Variants in DNAH2 observed in about 807,000 individuals in gnomAD.
DNAH2 encodes the protein dynein axonemal heavy chain 2.
DNAH2 carries 323 observed loss-of-function variants against 523.5 expected under a neutral mutation model. That is an observed-to-expected ratio of 0.62 (90% CI 0.56 to 0.68). The LOEUF is 0.68. Ranked by LOEUF, DNAH2 falls within the 30% of genes least tolerant of loss-of-function variation. The pLI, the probability that DNAH2 is intolerant of heterozygous loss-of-function variation, is 0.00. For missense variants in DNAH2, 4,907 were observed against 5,701.5 expected (o/e 0.86, Z 4.49); for synonymous variants, 2,093 against 2,177.4 (o/e 0.96, Z 1.08).
Position 7,797,687 on chromosome 17 carries a change from C to T in DNAH2, c.8088C>T (p.Phe2696=), listed in dbSNP as rs1404923311. 1.2e-6 allele frequency: 2 copies of T among 1,614,082 alleles called. No homozygotes were observed. The highest frequency in any genetic ancestry group is 1.1e-5 in the South Asian group (1 of 91,074). ...PSKRPPIFGD[F]LKEPKVYEDL... ...CCTCTTCCCATGGCTCAGGGGATTT[C>T]CTGAAGGAGCCCAAGGTGTATGAAG... The change falls in exon 53 of 86, where the codon TTC becomes TTT. Residue 2696 remains phenylalanine, a synonymous_variant. Coordinates refer to ENST00000572933, the MANE Select transcript of DNAH2 (RefSeq NM_020877.5).
At chr17:7,740,732 A>C (rs577720622) in intron 10 of DNAH2, 78 bp from the exon 11 acceptor site, 2 of 1,553,592 alleles carry the variant, frequency 1.3e-6, no homozygotes, top group Non-Finnish European at 1.7e-6. Context: ...AGCGGGGTGC[A>C]GCTTTCCTCT....
At position 7,744,521 on chromosome 17, in the gene DNAH2, A is replaced by C. The variant is rs539521168; in HGVS notation, c.1904+1379A>C. ...AGCGGAGTGTCAGGTGAGAGGGGTG[A>C]GGCAGAGGCATCAGTGAGGAGGACA... is the stretch of plus-strand genomic sequence containing the variant. On this transcript the variant is annotated intron_variant, in intron 12 of 85. Transcript: ENST00000572933. 4.5e-4 allele frequency among the ~76,000 whole-genome samples: 68 copies of C among 152,166 alleles called. 1 individual carries two copies. Among genetic ancestry groups the C allele is most frequent in the Non-Finnish European group, 2.9e-4 (20 of 67,988 alleles).
chr17:7,818,613 G>A (rs10153304), intron 69 of DNAH2, 30 bp from the exon 70 acceptor site: 154,105 of 1,612,076 alleles, frequency 0.096, 8,458 homozygotes, highest in Non-Finnish European at 0.11. Context: ...AGGAGTGACA[G>A]CCCCTCACTG....
In DNAH2 at chr17:7,733,475, C is replaced by CTTTTTTTTTTTTTTTTTTTTTT. The variant is rs1199721840; in HGVS notation, c.628+180_628+181insTTTTTTTTTTTTTTTTTTTTTT. The stretch of plus-strand genomic sequence containing the variant: ...AGGGTACAAGATCCGCCTTCTTCTT[C>CTTTTTTTTTTTTTTTTTTTTTT]TTTTTTTTTTTTTTTTTTTTGAGAT... On this transcript the variant is annotated intron_variant, in intron 5 of 85. Transcript: ENST00000572933. Among the ~76,000 whole-genome samples the CTTTTTTTTTTTTTTTTTTTTTT allele has an allele frequency of 1.4e-3, 161 of 113,858 alleles. 11 individuals carry two copies. The highest frequency in any genetic ancestry group is 2.1e-3 in the Non-Finnish European group (110 of 52,452). The allele number at this position is 113,858 out of a possible 152,430, so 74.7% of individuals were successfully genotyped here. A position where few individuals can be genotyped will look rare whatever the true frequency, so the allele number is the denominator to read the frequency against.
At chr17:7,805,209 A>C (rs1597721264) in intron 60 of DNAH2, 43 bp from the exon 61 acceptor site, 24 of 1,608,648 alleles carry the variant, frequency 1.5e-5, no homozygotes, top group East Asian at 2.2e-5. Context: ...TTCTGTCTCC[A>C]GAAGGTCCTG....
At chr17:7,805,746 T>C (rs2077350748) in intron 61 of DNAH2, among the ~76,000 whole-genome samples, 1 of 151,938 alleles carries the variant, frequency 6.6e-6, no homozygotes, top group African/African-American at 2.4e-5. Context: ...CCCAGCTACT[T>C]GGGAGGCTGA....
intron 2 of DNAH2, among the ~76,000 whole-genome samples, chr17:7,722,945 CTTTCT>C (rs1011209977): frequency 2.2e-5 from 3 of 134,966 alleles, no homozygotes; most frequent in African/African-American, 5.4e-5. Flanking sequence ...TCTTTCTTTT[CTTTCT>C]TTTCTTTTCT....
chr17:7,771,864 G>A (rs1385175160), intron 28 of DNAH2, among the ~76,000 whole-genome samples: 2 of 151,972 alleles, frequency 1.3e-5, no homozygotes, highest in Admixed American at 6.6e-5. Flanking sequence ...ATACAAGCGT[G>A]TGCCACTACC....
chr17:7,815,363 G>A (rs2151318666), intron 63 of DNAH2, among the ~76,000 whole-genome samples: 1 of 152,334 alleles, frequency 6.6e-6, no homozygotes, highest in Middle Eastern at 3.4e-3. Context: ...CCAGTGAGGT[G>A]GCAGCGGGAA....
intron 39 of DNAH2, among the ~76,000 whole-genome samples, chr17:7,781,444 C>T (rs2076602927): frequency 6.6e-6 from 1 of 152,110 alleles, no homozygotes; most frequent in African/African-American, 2.4e-5. Flanking sequence ...TGCCTCTGCA[C>T]TCCAGCCTGG....
In DNAH2 at chr17:7,832,527, C is replaced by T. The variant is rs372436819; in HGVS notation, c.12727-52C>T. ...TCTGTCTCTAAATAAATAAATAATA[C>T]GGATTTGAATGCACGGCTAAATGAG... is the stretch of plus-strand genomic sequence containing the variant. On this transcript the variant is annotated intron_variant, in intron 82 of 85. Transcript: ENST00000572933. The surrounding 1 kb of genome is among the most constrained non-coding windows in gnomAD (Gnocchi z 4.3). 108 of 1,579,838 alleles carry T rather than the reference C, an allele frequency of 6.8e-5. No homozygotes were observed. Among genetic ancestry groups the T allele is most frequent in the South Asian group, 4.8e-4 (42 of 88,098 alleles).
At chr17:7,796,303 C>T (rs556751472) in intron 49 of DNAH2, among the ~76,000 whole-genome samples, 161 bp from the exon 50 acceptor site, 1 of 152,208 alleles carries the variant, frequency 6.6e-6, no homozygotes, top group African/African-American at 2.4e-5. Context: ...CCCGCCTTGG[C>T]CTCCCAAAGT....
chr17:7,729,895 C>G (rs1297574535), intron 4 of DNAH2, among the ~76,000 whole-genome samples: 1 of 152,166 alleles, frequency 6.6e-6, no homozygotes, highest in Non-Finnish European at 1.5e-5. Flanking sequence ...TGGTCTCTCA[C>G]AGTGGGAGGT....
rs976168954 is a variant in DNAH2 at position 7,758,641 on chromosome 17, A to C, written c.2198A>C (p.His733Pro). The part of the protein sequence containing the change: ...SAFFITECRI[H>P]ASKVQMIVNE... Reference sequence around the variant, plus strand: ...TTCTTCATCACGGAGTGCCGTATACATGCCAGCAAGGTGGGCCATGGTCCT... The same window carrying C: ...TTCTTCATCACGGAGTGCCGTATACCTGCCAGCAAGGTGGGCCATGGTCCT... The change falls in exon 14 of 86, where the codon CAT becomes CCT. Residue 733 changes from histidine (H) to proline (P), a missense_variant. By Grantham distance (77) the His-to-Pro change is moderately conservative. Around this residue, in one of 3 missense-constraint regions of DNAH2, gnomAD observed 2,806 missense variants for 3,190.8 expected, o/e 0.88. Transcript: ENST00000572933. The C allele has an allele frequency of 3.7e-6, 6 of 1,612,172 alleles. No individual in the cohort carries two copies. Among genetic ancestry groups the C allele is most frequent in the Non-Finnish European group, 5.1e-6 (6 of 1,179,208 alleles).
intron 12 of DNAH2, among the ~76,000 whole-genome samples, chr17:7,749,938 A>T (rs376095289): frequency 6.6e-6 from 1 of 152,278 alleles, no homozygotes; most frequent in South Asian, 2.1e-4. Flanking sequence ...CAGAGGTTGC[A>T]GTGAGCTGAG....
At chr17:7,804,189 A>C in intron 58 of DNAH2, 67 bp from the exon 59 acceptor site, 6 of 1,527,248 alleles carry the variant, frequency 3.9e-6, no homozygotes, top group Non-Finnish European at 5.4e-6. Flanking sequence ...GGGAAGGTGG[A>C]CCTTACAGGA....
chr17:7,742,829 G>T lies in DNAH2; in HGVS notation c.1690-99G>T, dbSNP rs1402874505. 5.3e-6 allele frequency: 4 copies of T among 754,078 alleles called. No homozygotes were observed. In the African/African-American group the frequency reaches 5.5e-5, roughly 10 times the overall value. The allele number at this position is 754,078 out of a possible 1,614,324, so 46.7% of individuals were successfully genotyped here. ...TAGCAAGCCTTATGCATATTGTTGG[G>T]GTATGTGCGCATGCGCGCATGTGTA... On this transcript the variant is annotated intron_variant, in intron 11 of 85. Transcript: ENST00000572933.
chr17:7,735,831 C>A (rs1201109582), intron 7 of DNAH2, among the ~76,000 whole-genome samples: 1 of 152,082 alleles, frequency 6.6e-6, no homozygotes, highest in East Asian at 1.9e-4. Context: ...CGGCTCACTG[C>A]AACCTCTGCC....
chr17:7,772,563 T>C (rs1298750067), intron 28 of DNAH2, among the ~76,000 whole-genome samples: 5 of 152,214 alleles, frequency 3.3e-5, no homozygotes, highest in African/African-American at 4.8e-5. Flanking sequence ...GACCCTGTGC[T>C]TGAAGGCATG....
Sources: gnomAD v4.1 joint callset for allele counts (sites outside exome capture counted in the v4.1 genomes callset) on GRCh38, gnomAD v4.1.1 for gene constraint, gnomAD v4.1.1 regional missense constraint, Gnocchi (gnomAD v3.1) non-coding constraint, MANE v1.5 for transcripts, NCBI Gene and HGNC (gene_info 2026-07-23, HGNC 2026-07-21) for gene names.